Variants in SSBP2 observed in about 807,000 individuals in gnomAD.
SSBP2 encodes single-stranded DNA-binding protein 2.
Under a neutral mutation model 61.8 loss-of-function variants are expected in SSBP2, and 17 were observed. That is an observed-to-expected ratio of 0.28 (90% confidence interval 0.19 to 0.41). The LOEUF is 0.41. SSBP2 is among the 10% of genes least tolerant of loss of function. SSBP2 has a pLI of 1.00. For missense variants in SSBP2, 310 were observed against 458.7 expected (o/e 0.68, Z 2.96); for synonymous variants, 139 against 141.3 (o/e 0.98, Z 0.12).
chr5:81,440,893 A>T (rs1762988037), intron 13 of SSBP2, among the ~76,000 whole-genome samples: 1 of 152,166 alleles, frequency 6.6e-6, no homozygotes, highest in African/African-American at 2.4e-5. Context: ...TCTTCTTCAG[A>T]TATACTCAGA....
chr5:81,683,278 ATAGACAAG>A (rs1451127582), intron 1 of SSBP2, among the ~76,000 whole-genome samples: 5 of 152,188 alleles, frequency 3.3e-5, no homozygotes, highest in Admixed American at 3.3e-4. Context: ...GTACTGAAGA[ATAGACAAG>A]TAGATCAGTG....
intron 4 of SSBP2, among the ~76,000 whole-genome samples, chr5:81,603,734 T>C (rs907085968): frequency 2.0e-5 from 3 of 152,208 alleles, no homozygotes; most frequent in Non-Finnish European, 2.9e-5. Flanking sequence ...TGACAACTAT[T>C]CGTTATTAGG....
At chr5:81,532,876 T>C (rs1311950449) in intron 4 of SSBP2, among the ~76,000 whole-genome samples, 4 of 151,712 alleles carry the variant, frequency 2.6e-5, no homozygotes, top group African/African-American at 9.7e-5. Context: ...ACTAATAAGG[T>C]TTAAAGTGCA....
intron 10 of SSBP2, among the ~76,000 whole-genome samples, chr5:81,455,804 A>G (rs1344865364): frequency 1.3e-5 from 2 of 152,204 alleles, no homozygotes; most frequent in Admixed American, 1.3e-4. Flanking sequence ...ACAGAGAATA[A>G]AATTAAGGGC....
intron 4 of SSBP2, among the ~76,000 whole-genome samples, chr5:81,592,974 G>C (rs1463057842): frequency 6.6e-6 from 1 of 152,140 alleles, no homozygotes; most frequent in East Asian, 1.9e-4. Flanking sequence ...ACAAGCAACA[G>C]AACAAAGCTG....
intron 16 of SSBP2, among the ~76,000 whole-genome samples, chr5:81,421,569 A>G (rs182915225): frequency 6.6e-6 from 1 of 152,278 alleles, no homozygotes; most frequent in Non-Finnish European, 1.5e-5. Flanking sequence ...TGTCAGTTTG[A>G]TGAGGCTGAC....
chr5:81,535,416 T>C (rs1345526310), intron 4 of SSBP2, among the ~76,000 whole-genome samples: 1 of 152,042 alleles, frequency 6.6e-6, no homozygotes, highest in African/African-American at 2.4e-5. Flanking sequence ...ACTTATTTCG[T>C]CGCTATTGAT....
At chr5:81,422,180 G>A (rs1284755353) in intron 16 of SSBP2, among the ~76,000 whole-genome samples, 1 of 152,180 alleles carries the variant, frequency 6.6e-6, no homozygotes, top group African/African-American at 2.4e-5. Context: ...ACCAGAAGCT[G>A]TGATAATCCT....
At chr5:81,560,904 A>G (rs916011784) in intron 4 of SSBP2, among the ~76,000 whole-genome samples, 7 of 152,172 alleles carry the variant, frequency 4.6e-5, no homozygotes, top group African/African-American at 7.2e-5. Flanking sequence ...AGAATACAAT[A>G]CAGAATTATT....
intron 6 of SSBP2, among the ~76,000 whole-genome samples, chr5:81,482,650 C>A (rs886506658): frequency 3.8e-4 from 58 of 152,324 alleles, no homozygotes; most frequent in African/African-American, 1.3e-3. Context: ...AGGCCTCACT[C>A]TGGATTAGGC....
At chr5:81,645,691 TTC>T (rs1393951549) in intron 2 of SSBP2, among the ~76,000 whole-genome samples, 1 of 152,202 alleles carries the variant, frequency 6.6e-6, no homozygotes, top group Non-Finnish European at 1.5e-5. Flanking sequence ...TTCCTTAGCA[TTC>T]TGTTTGTAAT....
intron 4 of SSBP2, among the ~76,000 whole-genome samples, chr5:81,557,292 C>G (rs1360303688): frequency 6.6e-6 from 1 of 152,116 alleles, no homozygotes; most frequent in African/African-American, 2.4e-5. Context: ...TGGTTTTGAA[C>G]AATTTGATTA....
In SSBP2 at chr5:81,473,772, T is replaced by TA. The variant is rs768824453; in HGVS notation, c.500-3dup. 384 of 1,613,660 alleles carry TA rather than the reference T, an allele frequency of 2.4e-4. No homozygotes were observed. The highest frequency in any genetic ancestry group is 3.1e-4 in the Non-Finnish European group (366 of 1,179,730). On this transcript the variant is annotated splice_polypyrimidine_tract_variant and splice_region_variant and intron_variant, in intron 7 of 16. Coordinates refer to ENST00000320672, the MANE Select transcript of SSBP2 (RefSeq NM_012446.5). ...TTGGCCCACCCATATTTGGATGTCCTAAAAAAAGTATGAAGACATTAGCAA... is the reference window on the plus strand; with the variant it reads ...TTGGCCCACCCATATTTGGATGTCCTAAAAAAAAGTATGAAGACATTAGCAA...
chr5:81,528,759 T>G (rs544183910), intron 4 of SSBP2, among the ~76,000 whole-genome samples: 72 of 152,162 alleles, frequency 4.7e-4, no homozygotes, highest in African/African-American at 1.7e-3. Flanking sequence ...GCAAAAGGCA[T>G]TAGTAGATAC....
chr5:81,619,526 C>G (rs1746348669), intron 3 of SSBP2, among the ~76,000 whole-genome samples: 1 of 147,460 alleles, frequency 6.8e-6, no homozygotes. Flanking sequence ...ACCAGAGGTA[C>G]AGGGAGGAAC....
chr5:81,663,063 T>G (rs926656629), intron 1 of SSBP2, among the ~76,000 whole-genome samples: 4 of 152,322 alleles, frequency 2.6e-5, no homozygotes, highest in African/African-American at 9.6e-5. Context: ...TTTACTCAAT[T>G]CTTTCTATGG....
At chr5:81,538,060 CAGTG>C (rs1561515853) in intron 4 of SSBP2, among the ~76,000 whole-genome samples, 1 of 152,136 alleles carries the variant, frequency 6.6e-6, no homozygotes, top group Non-Finnish European at 1.5e-5. Flanking sequence ...TGATCAAGCT[CAGTG>C]AGTAAGGCAC....
chr5:81,550,362 T>C (rs1388924020), intron 4 of SSBP2, among the ~76,000 whole-genome samples: 1 of 152,210 alleles, frequency 6.6e-6, no homozygotes, highest in African/African-American at 2.4e-5. Context: ...TTGTATTATC[T>C]AACAAAACCT....
intron 1 of SSBP2, among the ~76,000 whole-genome samples, chr5:81,718,434 A>G (rs1486892252): frequency 1.3e-5 from 2 of 152,178 alleles, no homozygotes; most frequent in Non-Finnish European, 1.5e-5. Context: ...AAAGCAGGCA[A>G]AGTAAGCTAG....
Sources: gnomAD v4.1 joint callset for allele counts (sites outside exome capture counted in the v4.1 genomes callset) on GRCh38, gnomAD v4.1.1 for gene constraint, MANE v1.5 for transcripts, NCBI Gene and HGNC (gene_info 2026-07-23, HGNC 2026-07-21) for gene names.